WWP1: variants seen among roughly 807,000 people sequenced by gnomAD.
The protein encoded by WWP1 is NEDD4-like E3 ubiquitin-protein ligase WWP1.
Under a neutral mutation model 130.6 loss-of-function variants are expected in WWP1, and 49 were observed. The observed-to-expected ratio is 0.38, with a 90% CI of 0.30 to 0.48. WWP1 has a LOEUF of 0.48. Among genes scored for constraint, WWP1 ranks in the 20% least tolerant of loss-of-function variants. The pLI, the probability that WWP1 is intolerant of heterozygous loss-of-function variation, is 0.99. For missense variants in WWP1, 809 were observed against 1,100.6 expected, an observed-to-expected ratio of 0.74 and a Z score of 3.75; for synonymous variants, 332 against 367.8, an observed-to-expected ratio of 0.90 and a Z score of 1.11.
At chr8:86,406,901 T>G (rs1398105756) in intron 8 of WWP1, among the ~76,000 whole-genome samples, 1 of 152,204 alleles carries the variant, frequency 6.6e-6, no homozygotes, top group Non-Finnish European at 1.5e-5. Flanking sequence ...ACTCTAGTAT[T>G]TCTACTTTTT....
At chr8:86,414,611 T>C (rs1416064505) in intron 9 of WWP1, among the ~76,000 whole-genome samples, 6 of 152,198 alleles carry the variant, frequency 3.9e-5, no homozygotes, top group African/African-American at 1.4e-4. Flanking sequence ...TTTTGTTTGG[T>C]AACTTACTGA....
At chr8:86,345,458 G>A (rs1281358489) in intron 1 of WWP1, among the ~76,000 whole-genome samples, 2 of 152,086 alleles carry the variant, frequency 1.3e-5, no homozygotes, top group Non-Finnish European at 2.9e-5. Flanking sequence ...CCCTGTGGCT[G>A]GAGTGCAGTG....
intron 5 of WWP1, among the ~76,000 whole-genome samples, chr8:86,394,901 G>A (rs1230662561): frequency 2.6e-5 from 3 of 117,282 alleles, no homozygotes; most frequent in East Asian, 2.9e-4. Flanking sequence ...TGGCGTTGAT[G>A]ATTTTGCAAA....
chr8:86,411,509 A>T lies in WWP1; in HGVS notation c.725-29A>T. 1.9e-6 allele frequency: 3 copies of T among 1,576,856 alleles called. No individual in the cohort carries two copies. In the Middle Eastern group the frequency reaches 5.1e-4, roughly 270 times the overall value. On this transcript the variant is annotated intron_variant, in intron 8 of 24. Transcript: ENST00000517970. ...ATTGATTGCTTTATCATTACTTGAT[A>T]GATGATTTTATTAATTTTCCCTTCT...
chr8:86,352,948 C>G (rs1382600775), intron 1 of WWP1, among the ~76,000 whole-genome samples: 4 of 152,166 alleles, frequency 2.6e-5, no homozygotes, highest in Non-Finnish European at 5.9e-5. Flanking sequence ...TAAAAAATGC[C>G]TACTAAAAGT....
rs1176080019 is a variant in WWP1 at position 86,358,715 on chromosome 8, C to T, written c.-114-10224C>T. 1.3e-5 allele frequency among the ~76,000 whole-genome samples: 2 copies of T among 151,862 alleles called. 1 individual carries two copies. Among genetic ancestry groups the T allele is most frequent in the African/African-American group, 4.8e-5 (2 of 41,342 alleles). On this transcript the variant is annotated intron_variant, in intron 1 of 24. Transcript: ENST00000517970. ...GTAGAGACAAGGTTTTACCGTGTTG[C>T]CTAGGCTGGTCTCGAACTCCTGGGC...
chr8:86,402,066 G>C lies in WWP1; in HGVS notation c.587G>C (p.Ser196Thr). 1 of 1,612,888 alleles carries C rather than the reference G, an allele frequency of 6.2e-7. No homozygotes were observed. The highest frequency in any genetic ancestry group is 8.5e-7 in the Non-Finnish European group (1 of 1,179,410). ...TNGIDNHVPT[S>T]TLVQNSCCSY... ...GGAATAGATAATCATGTACCTACAAGCACTCTAGTCCAAAACTCATGCTGC... is the reference window on the plus strand; with the variant it reads ...GGAATAGATAATCATGTACCTACAACCACTCTAGTCCAAAACTCATGCTGC... The change falls in exon 8 of 25, where the codon AGC (serine) becomes ACC (threonine). Residue 196 changes from serine to threonine, a missense_variant. By Grantham distance (58) the Ser-to-Thr change is moderately conservative (BLOSUM62 1). Transcript: ENST00000517970.
intron 8 of WWP1, among the ~76,000 whole-genome samples, chr8:86,403,819 A>G (rs1808133835): frequency 6.6e-6 from 1 of 152,096 alleles, no homozygotes; most frequent in Admixed American, 6.6e-5. Context: ...TCTTAATTTA[A>G]GGTGGCTAGA....
chr8:86,439,070 G>T (rs1348568277), intron 17 of WWP1, among the ~76,000 whole-genome samples: 2 of 151,984 alleles, frequency 1.3e-5, no homozygotes, highest in African/African-American at 4.8e-5. Context: ...AAGGCTGGAC[G>T]TGGTGGCTTA....
intron 3 of WWP1, among the ~76,000 whole-genome samples, chr8:86,379,720 A>G (rs1472685838): frequency 6.6e-6 from 1 of 152,232 alleles, no homozygotes; most frequent in Non-Finnish European, 1.5e-5. Context: ...TGCAAATACT[A>G]CTTCTTTTCG....
rs1451065719 is a variant in WWP1 at position 86,398,456 on chromosome 8, C to A, written c.449C>A (p.Thr150Lys). 2.5e-6 allele frequency: 4 copies of A among 1,612,624 alleles called. No individual in the cohort carries two copies. Among genetic ancestry groups the A allele is most frequent in the Non-Finnish European group, 3.4e-6 (4 of 1,179,114 alleles). The change falls in exon 6 of 25, where the codon ACA becomes AAA. Residue 150 changes from threonine to lysine, a missense_variant. Transcript: ENST00000517970. ...TTGGTGATTGAGCAAGAAAATATAA[C>A]AAACTGCAGCTCATCTCCAACCAGT... ...DGLVIEQENI[T>K]NCSSSPTIEI...
intron 7 of WWP1, 76 bp from the exon 8 acceptor site, chr8:86,401,943 T>C (rs751334096): frequency 2.0e-5 from 26 of 1,321,242 alleles, no homozygotes; most frequent in Non-Finnish European, 2.6e-5. Flanking sequence ...GAGAATTTAG[T>C]AAATCCTATG....
rs375921073 is a variant in WWP1 at position 86,465,771 on chromosome 8, T to C, written c.2670-1023T>C. Among the ~76,000 whole-genome samples the C allele has an allele frequency of 5.3e-5, 8 of 152,342 alleles. 1 individual carries two copies. Among genetic ancestry groups the C allele is most frequent in the East Asian group, 3.9e-4 (2 of 5,192 alleles). On this transcript the variant is annotated intron_variant, in intron 24 of 24. Coordinates refer to ENST00000517970, the MANE Select transcript of WWP1 (RefSeq NM_007013.4). ...AAATAATTTTTTTTTCTGACCTTGT[T>C]ATCATACTCTACCTTGAAGTATAAA...
chr8:86,442,084 C>T (rs1031773306), intron 17 of WWP1, among the ~76,000 whole-genome samples: 2 of 151,866 alleles, frequency 1.3e-5, no homozygotes, highest in African/African-American at 2.4e-5. Flanking sequence ...CTGTGTATCT[C>T]GGTATCACCT....
chr8:86,456,404 AAAGAT>A (rs1456125505), intron 21 of WWP1, among the ~76,000 whole-genome samples: 1 of 151,976 alleles, frequency 6.6e-6, no homozygotes, highest in African/African-American at 2.4e-5. Flanking sequence ...AACTCAATAA[AAAGAT>A]AAGAAAACAT....
intron 1 of WWP1, among the ~76,000 whole-genome samples, chr8:86,347,077 A>G (rs988457841): frequency 2.6e-5 from 4 of 151,998 alleles, no homozygotes; most frequent in Non-Finnish European, 4.4e-5. Flanking sequence ...TGGCACAGTC[A>G]TGGCTAAACT....
chr8:86,413,786 G>A (rs1808718654), intron 9 of WWP1, among the ~76,000 whole-genome samples: 1 of 152,298 alleles, frequency 6.6e-6, no homozygotes, highest in South Asian at 2.1e-4. Context: ...ATTTCGAAGG[G>A]TTTGGAAGTT....
intron 1 of WWP1, among the ~76,000 whole-genome samples, chr8:86,362,501 A>G (rs539125682): frequency 3.3e-5 from 5 of 152,146 alleles, no homozygotes; most frequent in Admixed American, 6.5e-5. Flanking sequence ...CCAAATTGCA[A>G]GGGTAGAAGA....
At chr8:86,368,414 T>C (rs781718102) in intron 1 of WWP1, among the ~76,000 whole-genome samples, 2 of 152,166 alleles carry the variant, frequency 1.3e-5, no homozygotes, top group Non-Finnish European at 2.9e-5. Context: ...TCTTGTTTTT[T>C]TGTAACCCTC....
Sources: gnomAD v4.1 joint callset for allele counts (sites outside exome capture counted in the v4.1 genomes callset) on GRCh38, gnomAD v4.1.1 for gene constraint, MANE v1.5 for transcripts, NCBI Gene and HGNC (gene_info 2026-07-23, HGNC 2026-07-21) for gene names.